COL4A2: variants seen among roughly 807,000 people sequenced by gnomAD.
COL4A2 encodes the protein collagen alpha-2(IV) chain.
COL4A2 carries 99 observed loss-of-function variants against 200.2 expected under a neutral mutation model. The observed-to-expected ratio is 0.49, with a 90% CI of 0.42 to 0.58. The LOEUF (loss-of-function observed/expected upper bound fraction) is 0.58. COL4A2 is among the 20% of genes least tolerant of loss of function. The pLI is 0.00. For missense variants in COL4A2, 1,950 were observed against 2,314.1 expected (o/e 0.84, Z 3.23); for synonymous variants, 897 against 900.6 (o/e 1.00, Z 0.07).
At chr13:110,469,443 A>G in intron 28 of COL4A2, 119 bp downstream of exon 28, 1 of 1,074,876 alleles carries the variant, frequency 9.3e-7, no homozygotes, top group African/African-American at 1.6e-5. Flanking sequence ...CAAATACTTG[A>G]CAACTTTTGC....
chr13:110,432,424 G>GT (rs1428226838), intron 11 of COL4A2, 64 bp downstream of exon 11: 13 of 1,524,294 alleles, frequency 8.5e-6, no homozygotes, highest in Non-Finnish European at 2.6e-6. Flanking sequence ...GGGTTTGTTT[G>GT]TTTTTTACCA....
chr13:110,511,502 TC>T (rs1460983943), intron 47 of COL4A2, among the ~76,000 whole-genome samples: 1 of 152,224 alleles, frequency 6.6e-6, no homozygotes, highest in Non-Finnish European at 1.5e-5. Flanking sequence ...CCAGCCTACA[TC>T]TTAATTTTAT....
chr13:110,416,985 C>CT (rs72026998), intron 4 of COL4A2, among the ~76,000 whole-genome samples: 24,633 of 143,370 alleles, frequency 0.17, 2,286 homozygotes, highest in East Asian at 0.3. Flanking sequence ...GCAGACTTTT[C>CT]TTTTTTTTTT....
intron 4 of COL4A2, among the ~76,000 whole-genome samples, chr13:110,369,165 C>G (rs895050566): frequency 6.6e-6 from 1 of 151,040 alleles, no homozygotes; most frequent in Non-Finnish European, 1.5e-5. Flanking sequence ...GAGCCGAGAT[C>G]ACACCACTGC....
intron 14 of COL4A2, among the ~76,000 whole-genome samples, chr13:110,438,342 C>T (rs932193979): frequency 6.6e-6 from 1 of 152,256 alleles, no homozygotes; most frequent in Non-Finnish European, 1.5e-5. Context: ...CCTCCGTCCC[C>T]TCTGTCACTG....
chr13:110,348,814 G>A (rs902762472), intron 3 of COL4A2, among the ~76,000 whole-genome samples: 6 of 152,184 alleles, frequency 3.9e-5, no homozygotes, highest in Non-Finnish European at 5.9e-5. Flanking sequence ...CAATCCAATC[G>A]TCAGCTATCT....
chr13:110,355,855 TACTAGCTCACCTGTGTGGG>T (rs1877234714), intron 3 of COL4A2, among the ~76,000 whole-genome samples: 2 of 30,468 alleles, frequency 6.6e-5, no homozygotes, highest in Non-Finnish European at 1.1e-4. Context: ...GGGAGGGCTG[TACTAGCTCACCTGTGTGGG>T]GGCTGAGGGC....
intron 21 of COL4A2, among the ~76,000 whole-genome samples, chr13:110,457,923 A>G (rs538911984): frequency 6.6e-6 from 1 of 152,106 alleles, no homozygotes; most frequent in South Asian, 2.1e-4. Flanking sequence ...GAGGAGGCGA[A>G]CTTGGAACAG....
At chr13:110,461,308 T>G (rs1486829097) in intron 22 of COL4A2, among the ~76,000 whole-genome samples, 1 of 152,206 alleles carries the variant, frequency 6.6e-6, no homozygotes, top group Non-Finnish European at 1.5e-5. Context: ...GAAGCCACCT[T>G]GACTTTTAAT....
chr13:110,505,269 C>G (rs1289416866), intron 45 of COL4A2, among the ~76,000 whole-genome samples: 10 of 151,932 alleles, frequency 6.6e-5, no homozygotes, highest in South Asian at 2.1e-4. Flanking sequence ...AGAATGGCCT[C>G]AACCCAGGAG....
At chr13:110,451,959 C>T (rs57694307) in intron 20 of COL4A2, among the ~76,000 whole-genome samples, 14,083 of 152,260 alleles carry the variant, frequency 0.092, 731 homozygotes, top group East Asian at 0.18. Context: ...TTCTGTGTGA[C>T]GTTGACCAAA....
At chr13:110,410,693 G>C (rs1394033842) in intron 4 of COL4A2, among the ~76,000 whole-genome samples, 3 of 152,170 alleles carry the variant, frequency 2.0e-5, no homozygotes, top group Non-Finnish European at 2.9e-5. Context: ...GGTTTGTTCA[G>C]AAATCAAAAC....
At chr13:110,347,371 A>G (rs1243893941) in intron 3 of COL4A2, among the ~76,000 whole-genome samples, 1 of 152,174 alleles carries the variant, frequency 6.6e-6, no homozygotes, top group Non-Finnish European at 1.5e-5. Flanking sequence ...AAACCCTCAC[A>G]GCAGCCCTGT....
chr13:110,410,839 C>T (rs2139440026), intron 4 of COL4A2, among the ~76,000 whole-genome samples: 1 of 152,252 alleles, frequency 6.6e-6, no homozygotes, highest in South Asian at 2.1e-4. Context: ...ATAGAACTGG[C>T]AGAGCTGGGA....
At chr13:110,462,470 C>A in intron 24 of COL4A2, 86 bp downstream of exon 24, 1 of 1,398,878 alleles carries the variant, frequency 7.1e-7, no homozygotes, top group Non-Finnish European at 9.9e-7. Context: ...ACAGTATTGA[C>A]ATGAGCACTA....
At position 110,424,878 on chromosome 13, in the gene COL4A2, G is replaced by A. The variant is rs764706888; in HGVS notation, c.315+10G>A. ...ACCCAAGGGCGACGTGGTACGCACCGCTGGTGTATTCCCCTGGCCTCATGA... is the reference window on the plus strand; with the variant it reads ...ACCCAAGGGCGACGTGGTACGCACCACTGGTGTATTCCCCTGGCCTCATGA... On this transcript the variant is annotated intron_variant, in intron 5 of 47. Transcript: ENST00000360467. 13 of 1,614,140 alleles carry A rather than the reference G, an allele frequency of 8.1e-6. No individual in the cohort carries two copies. Among genetic ancestry groups the A allele is most frequent in the South Asian group, 2.2e-5 (2 of 91,078 alleles).
chr13:110,511,447 G>A (rs1044465841), intron 47 of COL4A2, among the ~76,000 whole-genome samples: 3 of 151,982 alleles, frequency 2.0e-5, no homozygotes, highest in African/African-American at 7.3e-5. Flanking sequence ...GAAGGAGCTG[G>A]GAGGCCTGGC....
Position 110,508,358 on chromosome 13 carries a change from A to G in COL4A2, c.4881+137A>G, listed in dbSNP as rs1375974000. 6 of 1,381,830 alleles carry G rather than the reference A, an allele frequency of 4.3e-6. No individual in the cohort carries two copies. Among genetic ancestry groups the G allele is most frequent in the Middle Eastern group, 2.1e-4 (1 of 4,682 alleles). The allele number at this position is 1,381,830 out of a possible 1,614,324, so 85.6% of individuals were successfully genotyped here. ...ACAAGGGTAGTTGGCCCAGGAAGCGAGCGAGAGCTGGAACACAGCTTACAC... is the reference window on the plus strand; with the variant it reads ...ACAAGGGTAGTTGGCCCAGGAAGCGGGCGAGAGCTGGAACACAGCTTACAC... On this transcript the variant is annotated intron_variant, in intron 47 of 47. Coordinates refer to ENST00000360467, the MANE Select transcript of COL4A2 (RefSeq NM_001846.4). This position sits in a 1 kb window ranked among gnomAD's most constrained non-coding sequence, Gnocchi z 6.1.
chr13:110,449,843 TCCTA>T lies in COL4A2; in HGVS notation c.1189+55_1189+58del, dbSNP rs140839386. ...GAGACCCAAAGCACCTGCACTCAGGTCCTAGCACACACAAGGGAGACTTCGTTGA... is the reference window on the plus strand; with the variant it reads ...GAGACCCAAAGCACCTGCACTCAGGTGCACACACAAGGGAGACTTCGTTGA... On this transcript the variant is annotated intron_variant, in intron 19 of 47. Coordinates refer to ENST00000360467, the MANE Select transcript of COL4A2 (RefSeq NM_001846.4). The T allele has an allele frequency of 2.4e-4, 368 of 1,502,848 alleles. 1 individual carries two copies. The African/African-American group carries it at 4.6e-3, about 19-fold the overall frequency. The allele number at this position is 1,502,848 out of a possible 1,614,324, so 93.1% of individuals were successfully genotyped here. A position where few individuals can be genotyped will look rare whatever the true frequency, so the allele number is the denominator to read the frequency against.
Sources: allele counts gnomAD v4.1 joint callset (sites outside exome capture counted in the v4.1 genomes callset), GRCh38; gene constraint gnomAD v4.1.1; non-coding constraint Gnocchi (gnomAD v3.1); transcripts MANE v1.5; gene names NCBI Gene and HGNC (gene_info 2026-07-23, HGNC 2026-07-21).